Variants in EVC observed in about 807,000 individuals in gnomAD.
EVC encodes the protein EvC ciliary complex subunit 1.
EVC carries 116 observed loss-of-function variants against 118.9 expected under a neutral mutation model. The ratio of observed to expected loss-of-function variants is 0.98; its 90% CI spans 0.84 to 1.14. The LOEUF (loss-of-function observed/expected upper bound fraction) is 1.14, where lower values mean the gene tolerates loss of function less well. Among genes scored for constraint, EVC ranks in the 50% most tolerant of loss-of-function variants. The pLI, the probability that EVC is intolerant of heterozygous loss-of-function variation, is 0.00. For synonymous variants in EVC, 619 were observed against 534.7 expected, an observed-to-expected ratio of 1.16 and a Z score of -2.18; for missense variants, 1,401 against 1,246.4, an observed-to-expected ratio of 1.12 and a Z score of -1.87.
chr4:5,797,124 G>A lies in EVC; in HGVS notation c.1989G>A (p.Arg663=). 1 of 1,613,622 alleles carries A rather than the reference G, an allele frequency of 6.2e-7. No individual in the cohort carries two copies. Among genetic ancestry groups the A allele is most frequent in the Non-Finnish European group, 8.5e-7 (1 of 1,180,022 alleles). ...CCCTGGCCACCCTGACGCAGATGCG[G>A]CTATCGGGGAAGAAGCACCTCCTGC... is the stretch of plus-strand genomic sequence containing the variant. ...GNALATLTQM[R]LSGKKHLLQE... Residue 663 remains arginine (R), a synonymous_variant, in exon 14 of 21, where the codon CGG becomes CGA. Transcript: ENST00000264956.
Position 5,753,952 on chromosome 4 carries a change from C to A in EVC, c.1464+19C>A, listed in dbSNP as rs1331684144. 4.3e-6 allele frequency: 7 copies of A among 1,612,340 alleles called. No homozygotes were observed. The highest frequency in any genetic ancestry group is 5.9e-6 in the Non-Finnish European group (7 of 1,179,978). On this transcript the variant is annotated intron_variant, in intron 10 of 20. Transcript: ENST00000264956. ...TCTCGAGGTGACTCACATCCCCAGCCTCTGCACATGTGGGTGAGCCAGTTG... is the reference window on the plus strand; with the variant it reads ...TCTCGAGGTGACTCACATCCCCAGCATCTGCACATGTGGGTGAGCCAGTTG...
In EVC at chr4:5,731,340, C is replaced by A. The variant is rs924198610; in HGVS notation, c.385-85C>A. The A allele has an allele frequency of 1.7e-6, 2 of 1,169,392 alleles. No individual in the cohort carries two copies. The highest frequency in any genetic ancestry group is 1.5e-5 in the African/African-American group (1 of 66,218). The allele number at this position is 1,169,392 out of a possible 1,614,324, so 72.4% of individuals were successfully genotyped here. The stretch of plus-strand genomic sequence containing the variant: ...GGCAGACCTTCCTGTGAGCGGCTAG[C>A]GTGAATCACTGGTAGAATTATGAAT... On this transcript the variant is annotated intron_variant, in intron 3 of 20. Transcript: ENST00000264956. The surrounding 1 kb of genome is among the most constrained non-coding windows in gnomAD (Gnocchi z 5.6).
rs760166925 is a variant in EVC at position 5,797,022 on chromosome 4, G to T, written c.1887G>T (p.Glu629Asp). The T allele has an allele frequency of 1.9e-6, 3 of 1,611,950 alleles. No individual in the cohort carries two copies. Among genetic ancestry groups the T allele is most frequent in the South Asian group, 1.1e-5 (1 of 91,058 alleles). ...CACCCCTCACCTGCTTTCCTCAAAG[G>T]TCCACGCGGTGTGTCCTGCAGGGGC... ...VLGRLGGLTE[E>D]STRCVLQGHD... The change falls in exon 14 of 21, where the codon GAG becomes GAT. Residue 629 changes from glutamate to aspartate, a missense_variant and splice_region_variant. Transcript: ENST00000264956.
chr4:5,748,248 C>A lies in EVC; in HGVS notation c.1040C>A (p.Thr347Lys). Residue 347 changes from threonine to lysine, a missense_variant, in exon 8 of 21, where the codon ACG (threonine) becomes AAG (lysine). Physicochemically the swap from Thr to Lys is moderately conservative, Grantham distance 78. Transcript: ENST00000264956. The stretch of plus-strand genomic sequence containing the variant: ...GCCCGACAGCTGATGATGACTCTGA[C>A]GGAAAGAATGATTGCAGCCGAAGGG... ...SKARQLMMTL[T>K]ERMIAAEGLL... 1 of 1,614,062 alleles carries A rather than the reference C, an allele frequency of 6.2e-7. No homozygotes were observed. Among genetic ancestry groups the A allele is most frequent in the South Asian group, 1.1e-5 (1 of 91,070 alleles).
At chr4:5,825,929 T>TGCAGTCATGCACACACATATGCATGC in the EVC span, 11 of 493,076 alleles carry the variant, frequency 2.2e-5, no homozygotes, top group African/African-American at 2.0e-4. The surrounding 1 kb of genome is among the most constrained non-coding windows in gnomAD (Gnocchi z 4.4). Context: ...CGCACTCACA[T>TGCAGTCATGCACACACATATGCATGC]ACATGCAGTC....
rs1419748236 is a variant in EVC at position 5,797,033 on chromosome 4, G to A, written c.1898G>A (p.Cys633Tyr). ...LGGLTEESTR[C>Y]VLQGHDLLLR... is the part of the protein sequence containing the mutation. ...TGCTTTCCTCAAAGGTCCACGCGGTGTGTCCTGCAGGGGCATGACCTGCTG... is the reference window on the plus strand; with the variant it reads ...TGCTTTCCTCAAAGGTCCACGCGGTATGTCCTGCAGGGGCATGACCTGCTG... The change falls in exon 14 of 21, where the codon TGT (cysteine) becomes TAT (tyrosine). Residue 633 changes from cysteine (C) to tyrosine (Y), a missense_variant. Coordinates refer to ENST00000264956, the MANE Select transcript of EVC (RefSeq NM_153717.3). The A allele has an allele frequency of 1.2e-6, 2 of 1,612,768 alleles. No homozygotes were observed. Among genetic ancestry groups the A allele is most frequent in the Non-Finnish European group, 1.7e-6 (2 of 1,179,722 alleles).
chr4:5,821,917 GGCCATGTACTCT>G, the EVC span: 1 of 1,259,006 alleles, frequency 7.9e-7, no homozygotes, highest in Admixed American at 2.2e-5. The surrounding 1 kb of genome is among the most constrained non-coding windows in gnomAD (Gnocchi z 4.4). Flanking sequence ...TGCTCCTGGA[GGCCATGTACTCT>G]GCCATGCACT....
At chr4:5,753,423 T>C (rs1222662309) in intron 9 of EVC, among the ~76,000 whole-genome samples, 1 of 152,188 alleles carries the variant, frequency 6.6e-6, no homozygotes, top group African/African-American at 2.4e-5. Flanking sequence ...CAGCGGCAGC[T>C]CATGGTCATG....
rs373464914 is a variant in EVC, at chr4:5,798,795, A to G, written c.2304+3A>G. On this transcript the variant is annotated splice_donor_region_variant and intron_variant, in intron 15 of 20. Coordinates refer to ENST00000264956, the MANE Select transcript of EVC (RefSeq NM_153717.3). The surrounding 1 kb of genome is among the most constrained non-coding windows in gnomAD (Gnocchi z 4.1). ...CCAAGGACAGGGATGACTTCAAGGTATGCACTGACCTCTGTCCCTGGGGAC... is the reference window on the plus strand; with the variant it reads ...CCAAGGACAGGGATGACTTCAAGGTGTGCACTGACCTCTGTCCCTGGGGAC... 6.2e-6 allele frequency: 10 copies of G among 1,610,272 alleles called. No individual in the cohort carries two copies. Among genetic ancestry groups the G allele is most frequent in the Non-Finnish European group, 8.5e-6 (10 of 1,179,746 alleles).
intron 6 of EVC, among the ~76,000 whole-genome samples, chr4:5,744,969 T>TTTTTC: frequency 1.9e-5 from 1 of 53,842 alleles, no homozygotes; most frequent in African/African-American, 1.6e-4. Flanking sequence ...TATGGTCTAG[T>TTTTTC]TTTTTTTTTT....
rs547422157 is a variant in EVC at position 5,813,370 on chromosome 4, T to C, written c.*2333T>C. On this transcript the variant is annotated 3_prime_UTR_variant, in exon 21 of 21. Coordinates refer to ENST00000264956, the MANE Select transcript of EVC (RefSeq NM_153717.3). ...ACGTGTGCCACCACGCCTGGCTAAA[T>C]CTTTTTTGTATTTTATTTTAGTAGA... The C allele has an allele frequency of 8.0e-4, 122 of 152,222 alleles. No individual in the cohort carries two copies. The highest frequency in any genetic ancestry group is 2.9e-3 in the African/African-American group (119 of 41,540). The allele number at this position is 152,222 out of a possible 1,614,324, so 9.4% of individuals were successfully genotyped here. A position where few individuals can be genotyped will look rare whatever the true frequency, so the allele number is the denominator to read the frequency against.
At position 5,745,339 on chromosome 4, in the gene EVC, A is replaced by G; in HGVS notation, c.937A>G (p.Asn313Asp). Residue 313 changes from asparagine (N) to aspartate (D), a missense_variant and splice_region_variant, in exon 7 of 21, where the codon AAT (asparagine) becomes GAT (aspartate). Coordinates refer to ENST00000264956, the MANE Select transcript of EVC (RefSeq NM_153717.3). ...AGAATACTCTGAACAGCTAATCGATAATGTGCGTGCCAGACTTTCTTTCCT... is the reference window on the plus strand; with the variant it reads ...AGAATACTCTGAACAGCTAATCGATGATGTGCGTGCCAGACTTTCTTTCCT... ...EREYSEQLIDNMEAFWKQMAN... is the reference protein window; with the variant it reads ...EREYSEQLIDDMEAFWKQMAN... 1 of 1,613,696 alleles carries G rather than the reference A, an allele frequency of 6.2e-7. No individual in the cohort carries two copies. Among genetic ancestry groups the G allele is most frequent in the Non-Finnish European group, 8.5e-7 (1 of 1,179,906 alleles).
intron 11 of EVC, chr4:5,758,173 C>T (rs1190485089): frequency 1.1e-5 from 8 of 700,526 alleles, no homozygotes; most frequent in Non-Finnish European, 2.1e-5. Flanking sequence ...CGAGGAACAC[C>T]TGCAGCCACC....
chr4:5,730,781 G>C (rs969248856), intron 3 of EVC, among the ~76,000 whole-genome samples: 51 of 152,122 alleles, frequency 3.4e-4, no homozygotes, highest in African/African-American at 1.2e-3. Flanking sequence ...GGAAAGGCCA[G>C]AATTATGAAG....
chr4:5,783,746 C>G lies in EVC; in HGVS notation c.1758C>G (p.Leu586=), dbSNP rs1196484973. 6.2e-7 allele frequency: 1 copy of G among 1,612,624 alleles called. No individual in the cohort carries two copies. Among genetic ancestry groups the G allele is most frequent in the East Asian group, 2.2e-5 (1 of 44,830 alleles). ...AGCAGTGGAAACTCTTCCAGGAGCT[C>G]CTAGAGCAAGACCAGCAGGTGCGGG... ...RRQQWKLFQE[L]LEQDQQVWME... Residue 586 remains leucine, a synonymous_variant, in exon 12 of 21, where the codon CTC becomes CTG. Coordinates refer to ENST00000264956, the MANE Select transcript of EVC (RefSeq NM_153717.3).
chr4:5,810,444 C>T lies in EVC; in HGVS notation c.2888C>T (p.Ser963Leu), dbSNP rs200792019. The T allele has an allele frequency of 7.5e-6, 12 of 1,610,368 alleles. No individual in the cohort carries two copies. In the South Asian group the frequency reaches 1.0e-4, roughly 13 times the overall value. ...GCCTCCGGGGACCAGACCTCAGGCT[C>T]ACTCAGGTATGACTGGGCCCCGGAC... ...DLASGDQTSG[S>L]LSSKRLSQQE... is the part of the protein sequence containing the mutation. Residue 963 changes from serine (S) to leucine (L), a missense_variant, in exon 20 of 21, where the codon TCA becomes TTA. Ser to Leu is a moderately radical substitution (Grantham distance 145). Transcript: ENST00000264956.
intron 2 of EVC, among the ~76,000 whole-genome samples, chr4:5,724,915 A>C (rs1054502669): frequency 4.0e-5 from 6 of 151,740 alleles, no homozygotes; most frequent in African/African-American, 1.5e-4. Context: ...TTGTTCCCCC[A>C]ACCCAATGTG....
rs114585973 is a variant in EVC, at chr4:5,755,996, G to C, written c.1465-268G>C. Among the ~76,000 whole-genome samples, 1 of 152,186 alleles carries C rather than the reference G, an allele frequency of 6.6e-6. No homozygotes were observed. The highest frequency in any genetic ancestry group is 1.5e-5 in the Non-Finnish European group (1 of 68,036). On this transcript the variant is annotated intron_variant, in intron 10 of 20. Coordinates refer to ENST00000264956, the MANE Select transcript of EVC (RefSeq NM_153717.3). This position sits in a 1 kb window ranked among gnomAD's most constrained non-coding sequence, Gnocchi z 4.1. ...GTGGCTGCAGCCAGGACAGAGGAGT[G>C]ACAGAAGTGGTCCAGTGGCCCCTCC...
chr4:5,780,960 TG>T (rs1735518709), intron 11 of EVC, among the ~76,000 whole-genome samples: 1 of 152,220 alleles, frequency 6.6e-6, no homozygotes, highest in Non-Finnish European at 1.5e-5. Context: ...ACATGAGTTG[TG>T]GCAGCATGTG....
Sources: allele counts gnomAD v4.1 joint callset (sites outside exome capture counted in the v4.1 genomes callset), GRCh38; gene constraint gnomAD v4.1.1; non-coding constraint Gnocchi (gnomAD v3.1); transcripts MANE v1.5; gene names NCBI Gene and HGNC (gene_info 2026-07-23, HGNC 2026-07-21).